LGSN: variants seen among roughly 807,000 people sequenced by gnomAD.
The protein encoded by LGSN is lengsin.
Under a neutral mutation model 19.5 loss-of-function variants are expected in LGSN, and 21 were observed. The ratio of observed to expected loss-of-function variants is 1.07; its 90% CI spans 0.76 to 1.55. The LOEUF (loss-of-function observed/expected upper bound fraction) is 1.55, where lower values mean the gene tolerates loss of function less well. Ranked by LOEUF, LGSN falls within the 40% of genes most tolerant of loss-of-function variation. The probability of loss-of-function intolerance (pLI) is 0.00; values close to 1 mark genes in which losing one functional copy is unlikely to be tolerated. For missense variants in LGSN, 673 were observed against 608.5 expected (o/e 1.11, Z -1.12); for synonymous variants, 257 against 215.6 (o/e 1.19, Z -1.68).
chr6:63,484,314 A>G, the LGSN span, among the ~76,000 whole-genome samples: 33 of 152,146 alleles, frequency 2.2e-4, no homozygotes, highest in Non-Finnish European at 4.0e-4. Flanking sequence ...ACCAGCCTGA[A>G]CAACATGGCA....
At chr6:63,354,090 G>T in the LGSN span, among the ~76,000 whole-genome samples, 1 of 152,040 alleles carries the variant, frequency 6.6e-6, no homozygotes, top group African/African-American at 2.4e-5. Flanking sequence ...TCTAGGCAAA[G>T]ACTTTATGGC....
chr6:63,350,793 G>A, the LGSN span, among the ~76,000 whole-genome samples: 23 of 151,810 alleles, frequency 1.5e-4, no homozygotes, highest in Non-Finnish European at 2.5e-4. Flanking sequence ...CAGAGGTTAC[G>A]GTGAGCTGAG....
chr6:63,370,529 G>T, the LGSN span, among the ~76,000 whole-genome samples: 1 of 152,226 alleles, frequency 6.6e-6, no homozygotes, highest in Non-Finnish European at 1.5e-5. Flanking sequence ...TTTGAATTTT[G>T]TAAGTGAACT....
At chr6:63,397,023 T>G in the LGSN span, 3 of 152,350 alleles carry the variant, frequency 2.0e-5, no homozygotes, top group Non-Finnish European at 4.4e-5. Flanking sequence ...TGGGAGCCCC[T>G]CCCACACCCC....
At chr6:63,455,072 C>A in the LGSN span, among the ~76,000 whole-genome samples, 1 of 152,000 alleles carries the variant, frequency 6.6e-6, no homozygotes, top group African/African-American at 2.4e-5. Context: ...GGATTACAGG[C>A]GTGAGCCACC....
chr6:63,549,039 A>T, the LGSN span: 1 of 726,306 alleles, frequency 1.4e-6, no homozygotes. Flanking sequence ...GTCGTGTGCA[A>T]TCACCACCGG....
At chr6:63,480,858 T>C in the LGSN span, among the ~76,000 whole-genome samples, 1 of 148,976 alleles carries the variant, frequency 6.7e-6, no homozygotes, top group Non-Finnish European at 1.5e-5. Flanking sequence ...CATATTTTTA[T>C]AGCAACATAA....
At chr6:63,315,294 A>G (rs1184366245) in intron 1 of LGSN, among the ~76,000 whole-genome samples, 2 of 152,130 alleles carry the variant, frequency 1.3e-5, no homozygotes, top group Non-Finnish European at 2.9e-5. Context: ...TGTCAGCAAG[A>G]CCTGATGGTA....
At chr6:63,339,545 G>A in the LGSN span, among the ~76,000 whole-genome samples, 8 of 151,812 alleles carry the variant, frequency 5.3e-5, no homozygotes, top group South Asian at 2.1e-4. Context: ...CCTTCCCTTC[G>A]CTTTCAGTGT....
the LGSN span, among the ~76,000 whole-genome samples, chr6:63,337,661 A>G: frequency 8.0e-3 from 1,210 of 151,800 alleles, 7 homozygotes; most frequent in Admixed American, 0.013. Flanking sequence ...AAATTTAGCC[A>G]GGCATGGTGA....
In LGSN at chr6:63,276,076, G is replaced by A. The variant is rs1365678280; in HGVS notation, c.*3945C>T. 2.0e-5 allele frequency: 3 copies of A among 152,138 alleles called. No individual in the cohort carries two copies. Among genetic ancestry groups the A allele is most frequent in the African/African-American group, 7.2e-5 (3 of 41,432 alleles). 9.4% of individuals were successfully genotyped at this position (152,138 alleles called of 1,614,324 possible). A position where few individuals can be genotyped will look rare whatever the true frequency, so the allele number is the denominator to read the frequency against. On this transcript the variant is annotated 3_prime_UTR_variant, in exon 4 of 4. Transcript: ENST00000370657. Reference sequence around the variant, plus strand: ...TAACAGGGAAGGCACTGTGCACATAGGTAATGTTTAAAGACACAAATTCTT... The same window carrying A: ...TAACAGGGAAGGCACTGTGCACATAAGTAATGTTTAAAGACACAAATTCTT...
At chr6:63,410,901 C>G in the LGSN span, among the ~76,000 whole-genome samples, 14 of 152,252 alleles carry the variant, frequency 9.2e-5, no homozygotes, top group Admixed American at 9.2e-4. Context: ...TTCCTCAGGT[C>G]AAAACCAGTT....
chr6:63,344,994 T>C, the LGSN span, among the ~76,000 whole-genome samples: 8 of 152,168 alleles, frequency 5.3e-5, no homozygotes, highest in East Asian at 1.2e-3. Flanking sequence ...CTCTATAGCA[T>C]TGGCTCACAG....
chr6:63,475,648 G>T, the LGSN span, among the ~76,000 whole-genome samples: 1 of 152,094 alleles, frequency 6.6e-6, no homozygotes, highest in Non-Finnish European at 1.5e-5. Context: ...CCAGATAGTG[G>T]GCAGGGACTG....
At chr6:63,351,873 G>T in the LGSN span, among the ~76,000 whole-genome samples, 2 of 152,074 alleles carry the variant, frequency 1.3e-5, no homozygotes, top group Admixed American at 1.3e-4. Flanking sequence ...GACATATACT[G>T]TATAGTCTTT....
the LGSN span, among the ~76,000 whole-genome samples, chr6:63,531,735 C>T: frequency 1.3e-5 from 2 of 152,058 alleles, no homozygotes; most frequent in Admixed American, 1.3e-4. Context: ...AAGTGACCCA[C>T]CTGTCTTGGC....
the LGSN span, among the ~76,000 whole-genome samples, chr6:63,466,514 A>T: frequency 2.0e-5 from 3 of 152,210 alleles, no homozygotes; most frequent in African/African-American, 4.8e-5. Flanking sequence ...GAAACACAGC[A>T]CCAGAAAAAC....
the LGSN span, among the ~76,000 whole-genome samples, chr6:63,431,906 A>G: frequency 7.3e-6 from 1 of 137,396 alleles, no homozygotes; most frequent in Non-Finnish European, 1.6e-5. Flanking sequence ...GACTCTACTG[A>G]AAAAAAAAAA....
At chr6:63,451,204 A>C in the LGSN span, among the ~76,000 whole-genome samples, 10 of 152,212 alleles carry the variant, frequency 6.6e-5, no homozygotes, top group Admixed American at 6.5e-4. Context: ...CTAAAAATAG[A>C]AATACCATTG....
Sources: allele counts gnomAD v4.1 joint callset (sites outside exome capture counted in the v4.1 genomes callset), GRCh38; gene constraint gnomAD v4.1.1; transcripts MANE v1.5; gene names NCBI Gene and HGNC (gene_info 2026-07-23, HGNC 2026-07-21).